SPMIP7: variants seen among roughly 807,000 people sequenced by gnomAD.
SPMIP7 encodes sperm microtubule inner protein 7, also known as protein SPMIP7.
the SPMIP7 span, among the ~76,000 whole-genome samples, chr7:50,140,967 C>T: frequency 2.6e-5 from 4 of 152,206 alleles, no homozygotes; most frequent in African/African-American, 7.2e-5. Context: ...AGCCTCCAGC[C>T]GGTCTCCAAA....
the SPMIP7 span, among the ~76,000 whole-genome samples, chr7:50,138,832 T>C: frequency 1.3e-5 from 2 of 152,264 alleles, no homozygotes; most frequent in East Asian, 1.9e-4. Context: ...TACTCAAGTC[T>C]GACTACTGGA....
the SPMIP7 span, among the ~76,000 whole-genome samples, chr7:50,118,569 G>A: frequency 1.3e-5 from 2 of 152,096 alleles, no homozygotes; most frequent in Non-Finnish European, 2.9e-5. Context: ...ATCTTATGAT[G>A]GTAGCTAAGA....
chr7:50,145,604 G>GTGTC, the SPMIP7 span, among the ~76,000 whole-genome samples: 1 of 50,822 alleles, frequency 2.0e-5, no homozygotes, highest in Admixed American at 1.7e-4. Context: ...GTGTGTGTGT[G>GTGTC]TGTATATGTG....
At chr7:50,107,965 T>A in the SPMIP7 span, among the ~76,000 whole-genome samples, 1 of 152,222 alleles carries the variant, frequency 6.6e-6, no homozygotes, top group Non-Finnish European at 1.5e-5. Context: ...GGTAATTGCA[T>A]TATTTGGAAT....
At chr7:50,102,315 C>G in the SPMIP7 span, among the ~76,000 whole-genome samples, 1 of 152,146 alleles carries the variant, frequency 6.6e-6, no homozygotes, top group Non-Finnish European at 1.5e-5. Flanking sequence ...CAGGGTGAGA[C>G]TGTGTCTCAA....
chr7:50,105,898 T>A, the SPMIP7 span, among the ~76,000 whole-genome samples: 1 of 152,202 alleles, frequency 6.6e-6, no homozygotes, highest in Non-Finnish European at 1.5e-5. Context: ...GTGAACCTTA[T>A]AAGAAACTGA....
the SPMIP7 span, among the ~76,000 whole-genome samples, chr7:50,100,808 T>C: frequency 0.035 from 5,036 of 145,248 alleles, 265 homozygotes; most frequent in African/African-American, 0.12. Flanking sequence ...TGAGATGCCG[T>C]CCAAAAATAA....
the SPMIP7 span, chr7:50,136,102 T>C: frequency 6.5e-7 from 1 of 1,550,170 alleles, no homozygotes; most frequent in Non-Finnish European, 8.7e-7. Context: ...TTTTAGATGG[T>C]TGGTGAGCTC....
At chr7:50,129,217 A>G in the SPMIP7 span, among the ~76,000 whole-genome samples, 1 of 152,022 alleles carries the variant, frequency 6.6e-6, no homozygotes, top group African/African-American at 2.4e-5. Flanking sequence ...AAACAAGTAC[A>G]ATAAAAAAGC....
chr7:50,139,612 G>A, the SPMIP7 span, among the ~76,000 whole-genome samples: 1 of 152,068 alleles, frequency 6.6e-6, no homozygotes, highest in African/African-American at 2.4e-5. Context: ...AAGTCAGCTG[G>A]CAAATGAAAA....
chr7:50,121,062 G>T, the SPMIP7 span, among the ~76,000 whole-genome samples: 1 of 152,044 alleles, frequency 6.6e-6, no homozygotes. Flanking sequence ...ATGCTCATAC[G>T]TAGCCATCCT....
chr7:50,104,989 A>G, the SPMIP7 span, among the ~76,000 whole-genome samples: 249 of 152,322 alleles, frequency 1.6e-3, 3 homozygotes, highest in African/African-American at 5.6e-3. Context: ...TTATTTGAGA[A>G]AACAGAAGCC....
the SPMIP7 span, among the ~76,000 whole-genome samples, chr7:50,145,862 T>A: frequency 2.0e-5 from 3 of 151,214 alleles, no homozygotes; most frequent in African/African-American, 7.3e-5. Context: ...GCCTATGAGG[T>A]ACCATCCTCC....
At chr7:50,135,495 A>T in the SPMIP7 span, among the ~76,000 whole-genome samples, 1 of 152,174 alleles carries the variant, frequency 6.6e-6, no homozygotes, top group Non-Finnish European at 1.5e-5. Flanking sequence ...AAGAGGAAAA[A>T]CATGTCTTTA....
chr7:50,152,432 G>A, the SPMIP7 span, among the ~76,000 whole-genome samples: 1 of 152,158 alleles, frequency 6.6e-6, no homozygotes, highest in Admixed American at 6.6e-5. Context: ...AGGAGCACAT[G>A]GTTACTCATT....
the SPMIP7 span, among the ~76,000 whole-genome samples, chr7:50,125,657 A>G: frequency 1.3e-5 from 2 of 151,500 alleles, no homozygotes; most frequent in African/African-American, 4.8e-5. Flanking sequence ...CCATAAAAAG[A>G]AAAAGAACTT....
chr7:50,150,046 C>T, the SPMIP7 span, among the ~76,000 whole-genome samples: 1 of 152,170 alleles, frequency 6.6e-6, no homozygotes, highest in East Asian at 1.9e-4. Context: ...CTTTCACTAA[C>T]CTCTCTTCTG....
the SPMIP7 span, among the ~76,000 whole-genome samples, chr7:50,149,332 G>C: frequency 2.0e-5 from 3 of 152,150 alleles, no homozygotes; most frequent in Non-Finnish European, 2.9e-5. Context: ...TTAAATTACT[G>C]TATTTCAACT....
At chr7:50,128,105 TATATACACA>T in the SPMIP7 span, among the ~76,000 whole-genome samples, 16,410 of 151,986 alleles carry the variant, frequency 0.11, 1,197 homozygotes, top group Non-Finnish European at 0.16. Context: ...AAATGTGGTA[TATATACACA>T]ATGGAATATT....
Sources: gnomAD v4.1 joint callset for allele counts (sites outside exome capture counted in the v4.1 genomes callset) on GRCh38, gnomAD v4.1.1 for gene constraint, MANE v1.5 for transcripts, NCBI Gene and HGNC (gene_info 2026-07-23, HGNC 2026-07-21) for gene names.